The following LRP1B variants were observed in gnomAD, a reference collection of about 807,000 sequenced individuals.
The protein encoded by LRP1B is LDL receptor related protein 1B.
In LRP1B, 217 loss-of-function variants were observed where a neutral mutation model predicts 556.6. The ratio of observed to expected loss-of-function variants is 0.39; its 90% CI spans 0.35 to 0.44. LRP1B has a LOEUF of 0.44. Ranked by LOEUF, LRP1B falls within the 20% of genes least tolerant of loss-of-function variation. LRP1B has a pLI of 1.00. For missense variants in LRP1B, 5,053 were observed against 5,620.8 expected (o/e 0.90, Z 3.23); for synonymous variants, 2,047 against 1,865.8 (o/e 1.10, Z -2.50).
At chr2:140,699,904 A>T (rs531688789) in intron 41 of LRP1B, among the ~76,000 whole-genome samples, 1 of 138,950 alleles carries the variant, frequency 7.2e-6, no homozygotes, top group Non-Finnish European at 1.5e-5. Context: ...TTAAATATAC[A>T]ATTTGCCCAC....
chr2:141,610,021 C>T (rs1158713000), intron 2 of LRP1B, among the ~76,000 whole-genome samples: 3 of 152,120 alleles, frequency 2.0e-5, no homozygotes, highest in Non-Finnish European at 4.4e-5. Context: ...ACAGATCATT[C>T]GAATTCTATC....
intron 2 of LRP1B, among the ~76,000 whole-genome samples, chr2:141,752,421 G>C (rs1439296113): frequency 3.3e-5 from 5 of 152,046 alleles, no homozygotes; most frequent in African/African-American, 9.7e-5. Flanking sequence ...CACATCTGAA[G>C]GCTGTCCTGA....
chr2:141,748,755 C>T (rs1694000310), intron 2 of LRP1B, among the ~76,000 whole-genome samples: 1 of 152,180 alleles, frequency 6.6e-6, no homozygotes, highest in Non-Finnish European at 1.5e-5. Context: ...ACTCTGGCCT[C>T]TTCCAAAGCA....
At chr2:141,515,746 T>G (rs1684291802) in intron 2 of LRP1B, among the ~76,000 whole-genome samples, 1 of 152,174 alleles carries the variant, frequency 6.6e-6, no homozygotes, top group African/African-American at 2.4e-5. Context: ...TATGATATGA[T>G]ACACAACTAG....
chr2:141,605,560 C>T (rs1163155166), intron 2 of LRP1B, among the ~76,000 whole-genome samples: 1 of 152,074 alleles, frequency 6.6e-6, no homozygotes, highest in Non-Finnish European at 1.5e-5. Flanking sequence ...AAGCCAGGTC[C>T]CTTTAAGCAG....
At chr2:140,725,260 C>A (rs991151006) in intron 35 of LRP1B, among the ~76,000 whole-genome samples, 1 of 152,022 alleles carries the variant, frequency 6.6e-6, no homozygotes, top group Admixed American at 6.6e-5. Flanking sequence ...ATTTTTCAAT[C>A]ATCATGTTTC....
chr2:141,093,866 C>T (rs534586929), intron 7 of LRP1B, among the ~76,000 whole-genome samples: 27 of 152,162 alleles, frequency 1.8e-4, no homozygotes, highest in African/African-American at 6.5e-4. Flanking sequence ...AGTTGCCCAC[C>T]ACCATGCCTG....
At chr2:141,626,463 G>A (rs1574158639) in intron 2 of LRP1B, among the ~76,000 whole-genome samples, 2 of 152,270 alleles carry the variant, frequency 1.3e-5, no homozygotes, top group East Asian at 1.9e-4. Flanking sequence ...TGATAAGCTG[G>A]ACTTCATTAA....
chr2:141,464,642 C>A (rs1314829399), intron 3 of LRP1B, among the ~76,000 whole-genome samples: 1 of 129,210 alleles, frequency 7.7e-6, no homozygotes, highest in Non-Finnish European at 1.6e-5. Flanking sequence ...CCGTGTTAGC[C>A]AGGATGGTCT....
In LRP1B at chr2:140,587,275, C is replaced by T. The variant is rs962808785; in HGVS notation, c.7194+11356G>A. 4.6e-5 allele frequency among the ~76,000 whole-genome samples: 7 copies of T among 152,082 alleles called. No individual in the cohort carries two copies. In the East Asian group the frequency reaches 1.2e-3, roughly 25 times the overall value. ...AGAGTCCTACAAGGAGAGGAGAAAG[C>T]GTGGGGCTAAAAAGGACTTGAAAAA... is the stretch of plus-strand genomic sequence containing the variant. On this transcript the variant is annotated intron_variant, in intron 43 of 90. Transcript: ENST00000389484.
intron 3 of LRP1B, among the ~76,000 whole-genome samples, chr2:141,467,826 TTTG>T (rs1682293612): frequency 7.7e-5 from 1 of 13,070 alleles, no homozygotes; most frequent in Non-Finnish European, 3.9e-4. Flanking sequence ...TGTTTGTTTG[TTTG>T]TTTGCGGACC....
At chr2:140,452,887 A>G (rs572829086) in intron 62 of LRP1B, among the ~76,000 whole-genome samples, 1 of 151,378 alleles carries the variant, frequency 6.6e-6, no homozygotes, top group Non-Finnish European at 1.5e-5. Context: ...TATGAATCCA[A>G]TGGGAGATCT....
At chr2:141,651,060 AG>A (rs1484310061) in intron 2 of LRP1B, among the ~76,000 whole-genome samples, 1 of 152,228 alleles carries the variant, frequency 6.6e-6, no homozygotes, top group Non-Finnish European at 1.5e-5. Flanking sequence ...CAATGGAGAA[AG>A]GAAGCTAAAG....
chr2:140,910,439 A>C (rs1346966177), intron 21 of LRP1B, among the ~76,000 whole-genome samples: 1 of 151,842 alleles, frequency 6.6e-6, no homozygotes, highest in Non-Finnish European at 1.5e-5. Context: ...TAAAATAAGG[A>C]TGATAAAAAT....
chr2:141,833,379 T>C (rs1697170316), intron 1 of LRP1B, among the ~76,000 whole-genome samples: 1 of 151,830 alleles, frequency 6.6e-6, no homozygotes, highest in South Asian at 2.1e-4. Context: ...TTCTTTGTCA[T>C]TGTATTCTCA....
intron 2 of LRP1B, among the ~76,000 whole-genome samples, chr2:141,525,199 G>T (rs904219769): frequency 2.6e-5 from 4 of 152,068 alleles, no homozygotes; most frequent in African/African-American, 9.7e-5. Context: ...TGGGTTTTAG[G>T]TGATGCTCGG....
At chr2:140,340,003 A>G (rs1231506364) in intron 77 of LRP1B, among the ~76,000 whole-genome samples, 1 of 151,622 alleles carries the variant, frequency 6.6e-6, no homozygotes, top group Non-Finnish European at 1.5e-5. Flanking sequence ...AACTTCAGAC[A>G]TAATTCTCAG....
intron 41 of LRP1B, among the ~76,000 whole-genome samples, chr2:140,682,496 C>T (rs906044174): frequency 6.6e-6 from 1 of 152,178 alleles, no homozygotes; most frequent in African/African-American, 2.4e-5. Flanking sequence ...GTCCTGGACA[C>T]TTGCCTTGGG....
intron 11 of LRP1B, among the ~76,000 whole-genome samples, chr2:141,026,429 T>G (rs1558808833): frequency 6.6e-6 from 1 of 152,088 alleles, no homozygotes. Context: ...AGAAATCATG[T>G]TTAGTGAAAA....
Sources: gnomAD v4.1 joint callset for allele counts (sites outside exome capture counted in the v4.1 genomes callset) on GRCh38, gnomAD v4.1.1 for gene constraint, MANE v1.5 for transcripts, NCBI Gene and HGNC (gene_info 2026-07-23, HGNC 2026-07-21) for gene names.